Variants in FBXO38 observed in about 807,000 individuals in gnomAD.
FBXO38 encodes the protein F-box protein 38.
FBXO38 carries 53 observed loss-of-function variants against 131.9 expected under a neutral mutation model. That is an observed-to-expected ratio of 0.40 (90% CI 0.32 to 0.51). FBXO38 has a LOEUF of 0.51. Among genes scored for constraint, FBXO38 ranks in the 20% least tolerant of loss-of-function variants. The pLI is 0.53. For missense variants in FBXO38, 1,076 were observed against 1,475.6 expected, an observed-to-expected ratio of 0.73 and a Z score of 4.44; for synonymous variants, 452 against 505.6, an observed-to-expected ratio of 0.89 and a Z score of 1.42.
intron 2 of FBXO38, among the ~76,000 whole-genome samples, chr5:148,396,155 G>A (rs1256612334): frequency 1.3e-5 from 2 of 151,912 alleles, no homozygotes; most frequent in East Asian, 1.9e-4. Flanking sequence ...AGTTCTGTCT[G>A]GGATTAGAAG....
Position 148,442,416 on chromosome 5 carries a change from C to T in FBXO38, c.*269C>T. On this transcript the variant is annotated 3_prime_UTR_variant, in exon 22 of 22. Transcript: ENST00000340253. ...TAAGGAAGACAGATAATTTGAAAGACTTTTGTTTTTCTTGACTTAATTCAT... is the reference window on the plus strand; with the variant it reads ...TAAGGAAGACAGATAATTTGAAAGATTTTTGTTTTTCTTGACTTAATTCAT... 1 of 244,354 alleles carries T rather than the reference C, an allele frequency of 4.1e-6. No homozygotes were observed. The highest frequency in any genetic ancestry group is 1.3e-3 in the Middle Eastern group (1 of 788). The allele number at this position is 244,354 out of a possible 1,614,324, so 15.1% of individuals were successfully genotyped here. A position where few individuals can be genotyped will look rare whatever the true frequency, so the allele number is the denominator to read the frequency against.
chr5:148,397,596 A>T (rs1758549004), intron 2 of FBXO38: 1 of 152,176 alleles, frequency 6.6e-6, no homozygotes. Context: ...TTTGTATAAT[A>T]TTTGATTTAA....
intron 1 of FBXO38, among the ~76,000 whole-genome samples, chr5:148,392,851 C>T (rs1758274286): frequency 6.6e-6 from 1 of 151,996 alleles, no homozygotes; most frequent in Non-Finnish European, 1.5e-5. Flanking sequence ...GATTTGTTGA[C>T]TACATGTTCA....
rs532370018 is a variant in FBXO38 at position 148,429,625 on chromosome 5, A to G, written c.2653+1678A>G. On this transcript the variant is annotated intron_variant, in intron 15 of 21. Transcript: ENST00000340253. ...TGGTTTTTGTTTGAAATTGCATTCA[A>G]TTGATAACTGAAACATAATTGTCAT... Among the ~76,000 whole-genome samples, 127 of 152,278 alleles carry G rather than the reference A, an allele frequency of 8.3e-4. 1 individual carries two copies. Among genetic ancestry groups the G allele is most frequent in the African/African-American group, 2.6e-3 (110 of 41,562 alleles).
chr5:148,423,868 A>G, intron 12 of FBXO38, 130 bp from the exon 13 acceptor site: 1 of 697,352 alleles, frequency 1.4e-6, no homozygotes, highest in African/African-American at 1.8e-5. Context: ...TATGCAGTAT[A>G]TGCTGTTCTT....
At chr5:148,394,497 T>G (rs969392511) in intron 1 of FBXO38, among the ~76,000 whole-genome samples, 2 of 152,132 alleles carry the variant, frequency 1.3e-5, no homozygotes, top group African/African-American at 4.8e-5. Context: ...AAGTAATGCA[T>G]ATTTATATTA....
intron 1 of FBXO38, among the ~76,000 whole-genome samples, chr5:148,389,253 T>C (rs894563345): frequency 6.6e-6 from 1 of 152,216 alleles, no homozygotes; most frequent in Non-Finnish European, 1.5e-5. Context: ...AATGAAAGGA[T>C]ATGAAATATT....
chr5:148,417,331 G>C, intron 12 of FBXO38, 127 bp downstream of exon 12: 1 of 727,982 alleles, frequency 1.4e-6, no homozygotes, highest in Non-Finnish European at 2.3e-6. Context: ...AAAGCTAGTT[G>C]ATAAGGAACA....
intron 2 of FBXO38, among the ~76,000 whole-genome samples, chr5:148,396,338 TA>T (rs1214893969): frequency 6.6e-6 from 1 of 152,160 alleles, no homozygotes; most frequent in Non-Finnish European, 1.5e-5. Context: ...GACAGTTGGG[TA>T]AAGGAGACAA....
chr5:148,387,407 C>T (rs1757969411), intron 1 of FBXO38, among the ~76,000 whole-genome samples: 2 of 152,166 alleles, frequency 1.3e-5, no homozygotes, highest in Non-Finnish European at 2.9e-5. Context: ...TTGCTATTTC[C>T]TCCACATCTG....
chr5:148,424,133 A>G lies in FBXO38; in HGVS notation c.1738+16A>G. On this transcript the variant is annotated intron_variant, in intron 13 of 21. Transcript: ENST00000340253. ...GAACAAGCAGGTAATCATGTGATCC[A>G]TCCCACATTCATCATTCTGAAACTA... 6.2e-7 allele frequency: 1 copy of G among 1,602,080 alleles called. No individual in the cohort carries two copies.
chr5:148,417,384 A>G (rs1270506069), intron 12 of FBXO38, among the ~76,000 whole-genome samples, 180 bp downstream of exon 12: 2 of 152,144 alleles, frequency 1.3e-5, no homozygotes, highest in African/African-American at 4.8e-5. Context: ...GCTTGTTTCA[A>G]AACTGCTTTT....
At position 148,410,698 on chromosome 5, in the gene FBXO38, G is replaced by C; in HGVS notation, c.1026G>C (p.Met342Ile). ...ATGGTGTCTTTTCTGCCCTAAAGAT[G>C]GCAGAGTTGGAGTTTCCCCAGTTTG... ...TKDGVFSALK[M>I]AELEFPQFET... Residue 342 changes from methionine (M) to isoleucine (I), a missense_variant, in exon 9 of 22, where the codon ATG (methionine) becomes ATC (isoleucine). Met to Ile is a conservative substitution (Grantham distance 10). Around this residue, in one of 8 missense-constraint regions of FBXO38, gnomAD observed 146 missense variants for 274.3 expected, o/e 0.53. Transcript: ENST00000340253. The C allele has an allele frequency of 1.9e-6, 3 of 1,614,006 alleles. No homozygotes were observed. Among genetic ancestry groups the C allele is most frequent in the Non-Finnish European group, 2.5e-6 (3 of 1,179,962 alleles).
chr5:148,440,537 T>C lies in FBXO38; in HGVS notation c.3274+10T>C. The C allele has an allele frequency of 6.6e-7, 1 of 1,519,120 alleles. No individual in the cohort carries two copies. Among genetic ancestry groups the C allele is most frequent in the Non-Finnish European group, 9.1e-7 (1 of 1,096,280 alleles). The allele number at this position is 1,519,120 out of a possible 1,614,324, so 94.1% of individuals were successfully genotyped here. On this transcript the variant is annotated intron_variant, in intron 20 of 21. Transcript: ENST00000340253. ...ATCTATACTTTAGAAGGTGAGTATT[T>C]ACAAATGTTTAGAAAGTTAAATAGC...
intron 15 of FBXO38, among the ~76,000 whole-genome samples, chr5:148,431,199 A>C (rs1244325909): frequency 6.6e-6 from 1 of 152,226 alleles, no homozygotes; most frequent in Admixed American, 6.5e-5. Flanking sequence ...AGAAACCATC[A>C]TATGAGGTAT....
intron 5 of FBXO38, among the ~76,000 whole-genome samples, chr5:148,404,291 T>A (rs1177731195): frequency 6.6e-6 from 1 of 152,236 alleles, no homozygotes; most frequent in Non-Finnish European, 1.5e-5. Flanking sequence ...ATGTTGGTAG[T>A]CAAATAGTAA....
At chr5:148,440,892 A>T (rs769175955) in intron 20 of FBXO38, among the ~76,000 whole-genome samples, 1 of 152,260 alleles carries the variant, frequency 6.6e-6, no homozygotes, top group Non-Finnish European at 1.5e-5. Context: ...TGGGAGCCAG[A>T]TGAAGATTGC....
At chr5:148,424,279 T>A (rs1011316981) in intron 13 of FBXO38, among the ~76,000 whole-genome samples, 162 bp downstream of exon 13, 22 of 152,270 alleles carry the variant, frequency 1.4e-4, no homozygotes, top group African/African-American at 4.3e-4. Context: ...GTATTCTTGT[T>A]GCATGTATCT....
intron 3 of FBXO38, chr5:148,399,654 A>C (rs1752029007): frequency 6.6e-6 from 1 of 152,426 alleles, no homozygotes; most frequent in African/African-American, 2.4e-5. Context: ...TGAAGAACTC[A>C]GTAGCTTCCT....
Sources: gnomAD v4.1 joint callset for allele counts (sites outside exome capture counted in the v4.1 genomes callset) on GRCh38, gnomAD v4.1.1 for gene constraint, gnomAD v4.1.1 regional missense constraint, MANE v1.5 for transcripts, NCBI Gene and HGNC (gene_info 2026-07-23, HGNC 2026-07-21) for gene names.